OGA: variants seen among roughly 807,000 people sequenced by gnomAD.
OGA encodes O-GlcNAcase, also known as protein O-GlcNAcase.
OGA carries 21 observed loss-of-function variants against 102.0 expected under a neutral mutation model. The ratio of observed to expected loss-of-function variants is 0.21; its 90% confidence interval spans 0.15 to 0.30. The LOEUF is 0.30. Among genes scored for constraint, OGA ranks in the 10% least tolerant of loss-of-function variants. The pLI is 1.00. For missense variants in OGA, 765 were observed against 1,107.8 expected, an observed-to-expected ratio of 0.69 and a Z score of 4.39; for synonymous variants, 408 against 378.2, an observed-to-expected ratio of 1.08 and a Z score of -0.91.
chr10:101,806,372 T>A (rs2135075983), intron 5 of OGA, among the ~76,000 whole-genome samples: 1 of 152,268 alleles, frequency 6.6e-6, no homozygotes, highest in African/African-American at 2.4e-5. Flanking sequence ...CCGGCTAATT[T>A]TTTTTTGTAT....
rs1381855645 is a variant in OGA, at chr10:101,817,967, G to C, written c.56C>G (p.Ser19Cys). Residue 19 changes from serine to cysteine, a missense_variant, in exon 1 of 16, where the codon TCC becomes TGC. Coordinates refer to ENST00000361464, the MANE Select transcript of OGA (RefSeq NM_012215.5). ...TLEERESELS[S>C]NPAASAGASL... ...TGCCCCCGCAGAGGCGGCAGGGTTGGAGCTGAGCTCGCTCTCCCGCTCCTC... is the reference window on the plus strand; with the variant it reads ...TGCCCCCGCAGAGGCGGCAGGGTTGCAGCTGAGCTCGCTCTCCCGCTCCTC... 8 of 1,604,838 alleles carry C rather than the reference G, an allele frequency of 5.0e-6. No homozygotes were observed. In the South Asian group the frequency reaches 7.7e-5, roughly 16 times the overall value.
At chr10:101,794,162 C>T (rs1367065737) in intron 10 of OGA, 164 bp from the exon 11 acceptor site, 8 of 464,634 alleles carry the variant, frequency 1.7e-5, no homozygotes, top group East Asian at 1.1e-4. Flanking sequence ...AAAATGTTAA[C>T]GGCATTTCAA....
intron 10 of OGA, chr10:101,797,028 C>CTTTTTTTTTTTTTTTT (rs10716391): frequency 7.0e-6 from 1 of 142,078 alleles, no homozygotes; most frequent in Non-Finnish European, 1.5e-5. Context: ...CACAGGGAAA[C>CTTTTTTTTTTTTTTTT]TTTTTTTTTT....
intron 9 of OGA, among the ~76,000 whole-genome samples, chr10:101,798,496 C>G (rs558525431): frequency 6.6e-6 from 1 of 151,408 alleles, no homozygotes; most frequent in Non-Finnish European, 1.5e-5. Flanking sequence ...CTGCAAACTC[C>G]GCCTCCCGGG....
chr10:101,806,919 T>C (rs2065483856), intron 5 of OGA, among the ~76,000 whole-genome samples: 1 of 152,108 alleles, frequency 6.6e-6, no homozygotes, highest in African/African-American at 2.4e-5. Context: ...ACCAAAAATA[T>C]AAAAATTAGC....
intron 13 of OGA, 113 bp from the exon 14 acceptor site, chr10:101,791,201 TG>T (rs1384832433): frequency 6.4e-6 from 8 of 1,248,456 alleles, no homozygotes; most frequent in Non-Finnish European, 8.9e-6. Context: ...CTACATTTGG[TG>T]TAAGAAACTA....
chr10:101,799,442 T>C lies in OGA; in HGVS notation c.1209A>G (p.Ala403=). The C allele has an allele frequency of 2.5e-6, 4 of 1,609,138 alleles. No individual in the cohort carries two copies. The highest frequency in any genetic ancestry group is 3.4e-6 in the Non-Finnish European group (4 of 1,177,542). ...CTACACTTGCTTTAGCTCCACTGTGTGCAACTTGCCTACCTACAAAAATAA... is the reference window on the plus strand; with the variant it reads ...CTACACTTGCTTTAGCTCCACTGTGCGCAACTTGCCTACCTACAAAAATAA... ...VPHQYSSRQV[A]HSGAKASVVD... Residue 403 remains alanine, a synonymous_variant, in exon 9 of 16, where the codon GCA becomes GCG. Coordinates refer to ENST00000361464, the MANE Select transcript of OGA (RefSeq NM_012215.5).
Position 101,817,924 on chromosome 10 carries a change from T to C in OGA, c.99A>G (p.Ala33=). ...GGTTGTCTTCTCCGGGTGCCGGAGC[T>C]GCCGGCGGCTCCAGCGATGCCCCCG... The part of the protein sequence containing the change: ...ASAGASLEPP[A]APAPGEDNPA... Residue 33 remains alanine (A), a synonymous_variant, in exon 1 of 16, where the codon GCA becomes GCG. Transcript: ENST00000361464. 6.3e-7 allele frequency: 1 copy of C among 1,582,982 alleles called. No individual in the cohort carries two copies.
At chr10:101,810,518 A>T (rs1040015150) in intron 3 of OGA, among the ~76,000 whole-genome samples, 2 of 152,232 alleles carry the variant, frequency 1.3e-5, no homozygotes, top group Non-Finnish European at 2.9e-5. Context: ...GTAAGGGAAA[A>T]AGAATAGTTT....
At chr10:101,814,505 C>T (rs1002621260) in intron 1 of OGA, among the ~76,000 whole-genome samples, 5 of 152,164 alleles carry the variant, frequency 3.3e-5, no homozygotes, top group African/African-American at 1.2e-4. Context: ...AGGAGAACTG[C>T]TTGAATCCAG....
Position 101,813,539 on chromosome 10 carries a change from T to C in OGA, c.251+16A>G, listed in dbSNP as rs1220397241. The C allele has an allele frequency of 2.0e-6, 3 of 1,484,972 alleles. No homozygotes were observed. Among genetic ancestry groups the C allele is most frequent in the Non-Finnish European group, 2.8e-6 (3 of 1,079,524 alleles). The allele number at this position is 1,484,972 out of a possible 1,614,324, so 92.0% of individuals were successfully genotyped here. On this transcript the variant is annotated intron_variant, in intron 2 of 15. Transcript: ENST00000361464. ...GTTTAAGGTTCTCCTCTCTCCTTCA[T>C]ATAATGAAGATTTACCTTCTAAAGA...
chr10:101,798,211 G>A lies in OGA; in HGVS notation c.1810-57C>T, dbSNP rs2065341884. 7.2e-6 allele frequency: 11 copies of A among 1,535,430 alleles called. 1 individual carries two copies. The South Asian group carries it at 1.2e-4, about 16-fold the overall frequency. ...CTGTAAGCTTAACAAAATAATCTGA[G>A]ACACAGTTACACATTAAGCTGCTTA... On this transcript the variant is annotated intron_variant, in intron 9 of 15. Coordinates refer to ENST00000361464, the MANE Select transcript of OGA (RefSeq NM_012215.5).
chr10:101,799,347 TC>T lies in OGA; in HGVS notation c.1303del (p.Glu435SerfsTer4). On this transcript the variant is annotated frameshift_variant, in exon 9 of 16. Transcript: ENST00000361464. LOFTEE classifies it high-confidence loss of function. ...GGCTGCTCCCTGGCTCATAATGGGC[TC>T]CTGATAAACTGTTGTTACTACGGTT... ...ATTVVTTVYQ[E>X]PIMSQGAALS... The T allele has an allele frequency of 1.2e-6, 2 of 1,614,164 alleles. No homozygotes were observed. Among genetic ancestry groups the T allele is most frequent in the Non-Finnish European group, 1.7e-6 (2 of 1,180,022 alleles).
At position 101,817,912 on chromosome 10, in the gene OGA, G is replaced by A. The variant is rs1355201742; in HGVS notation, c.111C>T (p.Pro37=). 2 of 1,572,220 alleles carry A rather than the reference G, an allele frequency of 1.3e-6. No individual in the cohort carries two copies. Among genetic ancestry groups the A allele is most frequent in the Non-Finnish European group, 1.7e-6 (2 of 1,161,726 alleles). Residue 37 remains proline (P), a synonymous_variant, in exon 1 of 16, where the codon CCC becomes CCT. Transcript: ENST00000361464. The part of the protein sequence containing the change: ...ASLEPPAAPA[P]GEDNPAGAGG... ...CAGCCCCGGCGGGGTTGTCTTCTCC[G>A]GGTGCCGGAGCTGCCGGCGGCTCCA...
intron 7 of OGA, among the ~76,000 whole-genome samples, chr10:101,802,377 C>T: frequency 6.6e-6 from 1 of 152,100 alleles, no homozygotes. Context: ...TAGACTGTTT[C>T]TCAAAAGTAG....
chr10:101,803,563 T>A (rs538540405), intron 7 of OGA, among the ~76,000 whole-genome samples, 172 bp downstream of exon 7: 1 of 151,676 alleles, frequency 6.6e-6, no homozygotes, highest in African/African-American at 2.4e-5. Flanking sequence ...TGAAACAACA[T>A]ACCATAATAA....
rs757810914 is a variant in OGA, at chr10:101,818,214, G to A, written c.-192C>T. 22 of 1,344,454 alleles carry A rather than the reference G, an allele frequency of 1.6e-5. No homozygotes were observed. Among genetic ancestry groups the A allele is most frequent in the East Asian group, 9.0e-5 (3 of 33,160 alleles). The allele number at this position is 1,344,454 out of a possible 1,614,324, so 83.3% of individuals were successfully genotyped here. A position where few individuals can be genotyped will look rare whatever the true frequency, so the allele number is the denominator to read the frequency against. On this transcript the variant is annotated 5_prime_UTR_variant, in exon 1 of 16. Transcript: ENST00000361464. ...CCCGGATGAGAAGGGCGGCGGCACC[G>A]GCGCGAGCCCTTTGTCAGCCGCAGC...
intron 11 of OGA, chr10:101,793,623 G>A (rs554200132): frequency 3.9e-6 from 1 of 256,320 alleles, no homozygotes; most frequent in South Asian, 5.6e-5. Flanking sequence ...TGCGCGCATT[G>A]TGCATTGCGG....
chr10:101,784,752 T>C lies in OGA; in HGVS notation c.*1699A>G, dbSNP rs1208105830. On this transcript the variant is annotated 3_prime_UTR_variant, in exon 16 of 16. Coordinates refer to ENST00000361464, the MANE Select transcript of OGA (RefSeq NM_012215.5). The stretch of plus-strand genomic sequence containing the variant: ...CTCTGAAATCCTCCAAACAAAATGC[T>C]AGAATTGTCCACTAGTGTTAAGACG... 1 of 152,212 alleles carries C rather than the reference T, an allele frequency of 6.6e-6. No homozygotes were observed. The highest frequency in any genetic ancestry group is 2.4e-5 in the African/African-American group (1 of 41,458). The allele number at this position is 152,212 out of a possible 1,614,324, so 9.4% of individuals were successfully genotyped here. A position where few individuals can be genotyped will look rare whatever the true frequency, so the allele number is the denominator to read the frequency against.
Sources: allele counts gnomAD v4.1 joint callset (sites outside exome capture counted in the v4.1 genomes callset), GRCh38; gene constraint gnomAD v4.1.1; transcripts MANE v1.5; gene names NCBI Gene and HGNC (gene_info 2026-07-23, HGNC 2026-07-21).